C6: variants seen among roughly 807,000 people sequenced by gnomAD.
The protein encoded by C6 is complement C6, also known as complement component C6.
C6 carries 101 observed loss-of-function variants against 112.9 expected under a neutral mutation model. The ratio of observed to expected loss-of-function variants is 0.89; its 90% CI spans 0.76 to 1.06. C6 has a LOEUF of 1.06. Among genes scored for constraint, C6 ranks in the 50% least tolerant of loss-of-function variants. The probability of loss-of-function intolerance (pLI) is 0.00; values close to 1 mark genes in which losing one functional copy is unlikely to be tolerated. For synonymous variants in C6, 431 were observed against 384.1 expected (o/e 1.12, Z -1.43); for missense variants, 1,202 against 1,104.6 (o/e 1.09, Z -1.25).
chr5:41,150,341 A>T (rs1162422246), intron 15 of C6, among the ~76,000 whole-genome samples: 2 of 152,186 alleles, frequency 1.3e-5, no homozygotes, highest in Non-Finnish European at 1.5e-5. Context: ...ATCACTCTGT[A>T]AGGTTCTGGA....
In C6 at chr5:41,149,977, G is replaced by T; in HGVS notation, c.2339C>A (p.Ser780Ter). ...KGHCQLGQKQ[S>*]GSECICMSPE... ...AGACATACAAATGCATTCAGATCCT[G>T]ATTGTTTCTGTCCCAGCTGACAATG... The change falls in exon 16 of 18, where the codon TCA becomes TAA. Residue 780 changes from serine to a stop codon, truncating the protein, a stop_gained. Transcript: ENST00000337836. LOFTEE classifies it high-confidence loss of function. 9 of 1,613,136 alleles carry T rather than the reference G, an allele frequency of 5.6e-6. No individual in the cohort carries two copies. Among genetic ancestry groups the T allele is most frequent in the Non-Finnish European group, 7.6e-6 (9 of 1,179,230 alleles).
chr5:41,159,313 G>A (rs1455547033), intron 11 of C6, 60 bp from the exon 12 acceptor site: 3 of 1,581,890 alleles, frequency 1.9e-6, no homozygotes, highest in African/African-American at 2.7e-5. Context: ...GGGTTTGGAA[G>A]TGAGGCCAAC....
intron 14 of C6, among the ~76,000 whole-genome samples, chr5:41,154,578 TC>T (rs1746718655): frequency 6.6e-6 from 1 of 152,218 alleles, no homozygotes; most frequent in Non-Finnish European, 1.5e-5. Context: ...CAAAATCCCA[TC>T]TTACACAAAT....
intron 2 of C6, among the ~76,000 whole-genome samples, chr5:41,202,281 G>C (rs1321591543): frequency 6.6e-6 from 1 of 150,692 alleles, no homozygotes; most frequent in Non-Finnish European, 1.5e-5. Context: ...TGTCCAGGTA[G>C]CTCTCCAGGG....
intron 12 of C6, 53 bp from the exon 13 acceptor site, chr5:41,158,838 C>A (rs1304199413): frequency 3.2e-5 from 35 of 1,078,300 alleles, no homozygotes; most frequent in Non-Finnish European, 4.8e-5. Context: ...CACACATTTA[C>A]ATGTGTGTAT....
upstream of C6, among the ~76,000 whole-genome samples, chr5:41,218,307 G>A (rs1411033365): frequency 6.6e-6 from 1 of 151,864 alleles, no homozygotes; most frequent in Non-Finnish European, 1.5e-5. Context: ...TACCACTGTT[G>A]TCATTATCCA....
intron 17 of C6, among the ~76,000 whole-genome samples, chr5:41,144,463 C>T (rs1420443182): frequency 1.3e-5 from 2 of 152,074 alleles, no homozygotes; most frequent in Middle Eastern, 3.2e-3. Context: ...GATAGGGTCT[C>T]ATTATGTTGC....
chr5:41,251,872 A>T (rs1741384373), intron 1 of C6, among the ~76,000 whole-genome samples: 1 of 152,194 alleles, frequency 6.6e-6, no homozygotes. Flanking sequence ...GGTTAGAAAC[A>T]TGAAGCAAAA....
chr5:41,248,156 T>C lies in C6; in HGVS notation c.-21+13038A>G, dbSNP rs181045123. ...GAAGCTGGACCTGTATCTTTCACCA[T>C]ATACAAAAATTAACTCAAGTTAGCT... On this transcript the variant is annotated intron_variant, in intron 1 of 17. Transcript: ENST00000263413. 5.4e-5 allele frequency among the ~76,000 whole-genome samples: 8 copies of C among 148,910 alleles called. No homozygotes were observed. The East Asian group carries it at 1.6e-3, about 29-fold the overall frequency.
intron 9 of C6, among the ~76,000 whole-genome samples, chr5:41,166,060 G>A (rs1207188434): frequency 6.6e-6 from 1 of 152,006 alleles, no homozygotes; most frequent in Non-Finnish European, 1.5e-5. Flanking sequence ...TAGTATATCA[G>A]CTTCTTAAAA....
chr5:41,231,394 T>A (rs1309816187), intron 1 of C6, among the ~76,000 whole-genome samples: 1 of 152,128 alleles, frequency 6.6e-6, no homozygotes, highest in Non-Finnish European at 1.5e-5. Context: ...GCTCACAGAA[T>A]TCATCTTAAC....
chr5:41,251,665 G>C (rs1451044445), intron 1 of C6, among the ~76,000 whole-genome samples: 2 of 152,186 alleles, frequency 1.3e-5, no homozygotes, highest in Non-Finnish European at 2.9e-5. Context: ...TCTGATGCTA[G>C]AGAGCTAAAA....
intron 9 of C6, among the ~76,000 whole-genome samples, chr5:41,162,814 A>G (rs1297454036): frequency 2.0e-5 from 3 of 152,332 alleles, no homozygotes; most frequent in African/African-American, 4.8e-5. Context: ...AGTCAAGTGC[A>G]TAACACAACA....
intron 7 of C6, 21 bp downstream of exon 7, chr5:41,181,338 G>A (rs766373460): frequency 4.4e-6 from 7 of 1,605,876 alleles, no homozygotes; most frequent in Non-Finnish European, 3.4e-6. Flanking sequence ...AGAATAAAAG[G>A]TTGGAAACCA....
chr5:41,149,486 C>A lies in C6; in HGVS notation c.2382-4G>T, dbSNP rs375790368. On this transcript the variant is annotated splice_polypyrimidine_tract_variant and splice_region_variant and intron_variant, in intron 16 of 17. Transcript: ENST00000337836. ...ACAGAGATCTTCTGAATGATGGCTG[C>A]CCAAGAGAGGAAAGCAAGCATTTCT... is the stretch of plus-strand genomic sequence containing the variant. 20 of 1,613,668 alleles carry A rather than the reference C, an allele frequency of 1.2e-5. No homozygotes were observed. The highest frequency in any genetic ancestry group is 2.7e-5 in the African/African-American group (2 of 74,884).
chr5:41,183,563 G>A (rs1425242368), intron 6 of C6, among the ~76,000 whole-genome samples: 2 of 152,140 alleles, frequency 1.3e-5, no homozygotes, highest in East Asian at 3.9e-4. Flanking sequence ...ACTGTGGAAA[G>A]CAGTTTGGAT....
rs115870059 is a variant in C6, at chr5:41,164,144, A to G, written c.1292-2285T>C. On this transcript the variant is annotated intron_variant, in intron 9 of 17. Coordinates refer to ENST00000337836, the MANE Select transcript of C6 (RefSeq NM_000065.5). The stretch of plus-strand genomic sequence containing the variant: ...GGAGGGAGGGAGAGAGGGAGGGAAA[A>G]TGGAAGAAAAGAAAGGAAATTAAAA... 3.3e-3 allele frequency among the ~76,000 whole-genome samples: 507 copies of G among 151,994 alleles called. 3 individuals carry two copies. Among genetic ancestry groups the G allele is most frequent in the African/African-American group, 0.012 (488 of 41,432 alleles).
At chr5:41,207,992 C>T (rs902788980) in intron 1 of C6, among the ~76,000 whole-genome samples, 10 of 152,182 alleles carry the variant, frequency 6.6e-5, no homozygotes, top group Middle Eastern at 3.4e-3. Flanking sequence ...AGCACTCCTC[C>T]GCAAATGTAG....
In C6 at chr5:41,203,231, G is replaced by A; in HGVS notation, c.-1C>T. The A allele has an allele frequency of 6.2e-7, 1 of 1,614,128 alleles. No individual in the cohort carries two copies. The highest frequency in any genetic ancestry group is 8.5e-7 in the Non-Finnish European group (1 of 1,179,966). ...AGTACAAGACAGAGCGTCTGGCCAT[G>A]CCTTGAGAGCCTCCAGGCCCTAAAA... On this transcript the variant is annotated 5_prime_UTR_variant, in exon 2 of 18. Coordinates refer to ENST00000337836, the MANE Select transcript of C6 (RefSeq NM_000065.5).
Sources: allele counts gnomAD v4.1 joint callset (sites outside exome capture counted in the v4.1 genomes callset), GRCh38; gene constraint gnomAD v4.1.1; transcripts MANE v1.5; gene names NCBI Gene and HGNC (gene_info 2026-07-23, HGNC 2026-07-21).